The following SLC25A14 variants were observed in gnomAD, a reference collection of about 807,000 sequenced individuals.
SLC25A14 encodes brain mitochondrial carrier protein 1.
In SLC25A14, 8 loss-of-function variants were observed where a neutral mutation model predicts 28.1. The observed-to-expected ratio is 0.28, with a 90% confidence interval of 0.17 to 0.51. The LOEUF (loss-of-function observed/expected upper bound fraction) is 0.51. Among genes scored for constraint, SLC25A14 ranks in the 20% least tolerant of loss-of-function variants. SLC25A14 has a pLI of 0.97. For missense variants in SLC25A14, 135 were observed against 263.8 expected (o/e 0.51, Z 3.38); for synonymous variants, 74 against 90.6 (o/e 0.82, Z 1.04).
intron 6 of SLC25A14, among the ~76,000 whole-genome samples, chrX:130,352,385 G>A (rs1330884551): frequency 1.8e-5 from 2 of 112,067 alleles, no homozygotes; most frequent in African/African-American, 3.2e-5. Context: ...ACATAGGAGT[G>A]TATGTGTCTT....
intron 7 of SLC25A14, among the ~76,000 whole-genome samples, chrX:130,361,576 G>A (rs1344994790): frequency 8.9e-6 from 1 of 112,437 alleles, no homozygotes; most frequent in Non-Finnish European, 1.9e-5. Flanking sequence ...CATGAATACT[G>A]AAAACATTTC....
chrX:130,359,490 C>A (rs987110482), intron 7 of SLC25A14, among the ~76,000 whole-genome samples: 2 of 109,101 alleles, frequency 1.8e-5, no homozygotes, highest in Non-Finnish European at 3.8e-5. Flanking sequence ...TCCAGTAGTC[C>A]CACTGCCTAG....
chrX:130,358,508 A>G, intron 6 of SLC25A14, 132 bp from the exon 7 acceptor site: 5 of 429,506 alleles, frequency 1.2e-5, no homozygotes, highest in Middle Eastern at 6.7e-4. Context: ...AATAGCAGAT[A>G]TTTTTCTGGG....
chrX:130,351,113 A>T (rs894878227), intron 6 of SLC25A14, among the ~76,000 whole-genome samples: 5 of 111,352 alleles, frequency 4.5e-5, no homozygotes, highest in Non-Finnish European at 9.4e-5. Context: ...TTTGTACTCC[A>T]TCCTAAAACT....
Position 130,373,173 on chromosome X carries a change from C to T in SLC25A14, c.*223C>T. The T allele has an allele frequency of 2.7e-6, 1 of 364,196 alleles. No individual in the cohort carries two copies. The highest frequency in any genetic ancestry group is 4.7e-6 in the Non-Finnish European group (1 of 213,163). 30.0% of individuals were successfully genotyped at this position (364,196 alleles called of 1,213,427 possible). A position where few individuals can be genotyped will look rare whatever the true frequency, so the allele number is the denominator to read the frequency against. Reference sequence around the variant, plus strand: ...AAGTGTTAACATTGAGACTCTGGCCCCAGATTGGTATCTTCTATGAAGATG... The same window carrying T: ...AAGTGTTAACATTGAGACTCTGGCCTCAGATTGGTATCTTCTATGAAGATG... On this transcript the variant is annotated 3_prime_UTR_variant, in exon 11 of 11. Transcript: ENST00000545805.
chrX:130,342,179 C>A (rs984919007), intron 2 of SLC25A14, among the ~76,000 whole-genome samples: 5 of 111,870 alleles, frequency 4.5e-5, no homozygotes, highest in Non-Finnish European at 9.4e-5. Context: ...TCATCCTAGT[C>A]ATTATTTTTA....
chrX:130,364,167 G>C (rs1325863597), intron 7 of SLC25A14, among the ~76,000 whole-genome samples: 1 of 112,145 alleles, frequency 8.9e-6, no homozygotes, highest in African/African-American at 3.2e-5. Flanking sequence ...GGCCATTTGT[G>C]TATCTTTTTT....
chrX:130,351,097 C>T (rs763837201), intron 6 of SLC25A14, among the ~76,000 whole-genome samples: 61 of 111,325 alleles, frequency 5.5e-4, no homozygotes, highest in Admixed American at 1.1e-3. Flanking sequence ...AGATCTCTTA[C>T]ATCCATTTGT....
intron 9 of SLC25A14, 148 bp from the exon 10 acceptor site, chrX:130,371,416 G>T: frequency 2.4e-6 from 1 of 419,987 alleles, no homozygotes; most frequent in East Asian, 3.7e-5. Context: ...GTGGGTGGAT[G>T]GATTTAGACT....
chrX:130,356,217 CTTTTTTT>C (rs145822008), intron 6 of SLC25A14, among the ~76,000 whole-genome samples: 1 of 52,069 alleles, frequency 1.9e-5, no homozygotes, highest in Non-Finnish European at 3.3e-5. Context: ...CAAGGGCAAT[CTTTTTTT>C]TTTTTTTTTT....
chrX:130,360,011 T>A (rs973307406), intron 7 of SLC25A14, among the ~76,000 whole-genome samples: 13 of 110,850 alleles, frequency 1.2e-4, no homozygotes, highest in Non-Finnish European at 2.1e-4. Flanking sequence ...CTAGCCCATA[T>A]TAGAATTTCC....
At chrX:130,359,352 C>CAAAAAAAAAAAAAA (rs55826694) in intron 7 of SLC25A14, among the ~76,000 whole-genome samples, 9 of 26,194 alleles carry the variant, frequency 3.4e-4, no homozygotes, top group African/African-American at 9.0e-4. Flanking sequence ...GACTCTGTCT[C>CAAAAAAAAAAAAAA]AAAAAAAAAA....
chrX:130,345,219 G>T lies in SLC25A14; in HGVS notation c.113G>T (p.Gly38Val). The T allele has an allele frequency of 1.7e-6, 2 of 1,205,366 alleles. No individual in the cohort carries two copies. The change falls in exon 3 of 11, where the codon GGT (glycine) becomes GTT (valine). Residue 38 changes from glycine to valine, a missense_variant. Transcript: ENST00000545805. ...KSTTVSHEMS[G>V]LNWKPFVYGG... ...ACCACTGTAAGTCATGAGATGTCTG[G>T]TCTGAATTGGAAACCCTTTGTATAT...
chrX:130,350,719 C>A lies in SLC25A14; in HGVS notation c.486C>A (p.Thr162=). The change falls in exon 6 of 11, where the codon ACC becomes ACA. Residue 162 remains threonine, a synonymous_variant. Coordinates refer to ENST00000545805, the MANE Select transcript of SLC25A14 (RefSeq NM_001282195.2). ...TATCTTCCACTATAGCCAATCCCAC[C>A]GATGTTCTAAAGGTAAGAGAGATAC... The part of the protein sequence containing the change: ...GVISSTIANP[T]DVLKIRMQAQ... 1 of 1,140,394 alleles carries A rather than the reference C, an allele frequency of 8.8e-7. No homozygotes were observed. The highest frequency in any genetic ancestry group is 1.2e-6 in the Non-Finnish European group (1 of 835,083). The allele number at this position is 1,140,394 out of a possible 1,213,427, so 94.0% of individuals were successfully genotyped here.
chrX:130,353,384 G>T (rs772666759), intron 6 of SLC25A14, among the ~76,000 whole-genome samples: 1 of 111,272 alleles, frequency 9.0e-6, no homozygotes, highest in East Asian at 2.8e-4. Flanking sequence ...TGGTTTTCCA[G>T]ACCAGACCAG....
intron 6 of SLC25A14, among the ~76,000 whole-genome samples, chrX:130,354,043 C>A (rs1217924040): frequency 9.1e-6 from 1 of 110,122 alleles, no homozygotes; most frequent in African/African-American, 3.3e-5. Context: ...CCCAAGGTTC[C>A]ATCTTTAGCT....
intron 6 of SLC25A14, among the ~76,000 whole-genome samples, chrX:130,357,965 A>G (rs1020231365): frequency 6.2e-5 from 7 of 112,305 alleles, no homozygotes; most frequent in Non-Finnish European, 1.3e-4. Context: ...TAAGCAATGC[A>G]TGTTTAATGT....
intron 7 of SLC25A14, among the ~76,000 whole-genome samples, chrX:130,361,450 A>G (rs755176835): frequency 1.8e-5 from 2 of 112,694 alleles, no homozygotes; most frequent in East Asian, 5.5e-4. Flanking sequence ...TGAGACAGAC[A>G]TGTTTTATTT....
In SLC25A14 at chrX:130,372,937, G is replaced by A; in HGVS notation, c.965G>A (p.Arg322Lys). 8.4e-7 allele frequency: 1 copy of A among 1,191,179 alleles called. No individual in the cohort carries two copies. Among genetic ancestry groups the A allele is most frequent in the Non-Finnish European group, 1.1e-6 (1 of 879,349 alleles). ...IFFITYEQLKRLQI is the reference protein window; with the variant it reads ...IFFITYEQLKKLQI ...TTTATTACATACGAGCAGCTAAAGA[G>A]GCTTCAAATCTAAGAACTGAATTAT... The change falls in exon 11 of 11, where the codon AGG (arginine) becomes AAG (lysine). Residue 322 changes from arginine (R) to lysine (K), a missense_variant. Transcript: ENST00000545805.
Sources: allele counts gnomAD v4.1 joint callset (sites outside exome capture counted in the v4.1 genomes callset), GRCh38; gene constraint gnomAD v4.1.1; transcripts MANE v1.5; gene names NCBI Gene and HGNC (gene_info 2026-07-23, HGNC 2026-07-21).